The following TRPM3 variants were observed in gnomAD, a reference collection of about 807,000 sequenced individuals.
TRPM3 encodes the protein long transient receptor potential channel 3.
TRPM3 carries 77 observed loss-of-function variants against 181.2 expected under a neutral mutation model. The ratio of observed to expected loss-of-function variants is 0.42; its 90% CI spans 0.35 to 0.51. The LOEUF (loss-of-function observed/expected upper bound fraction) is 0.51. Ranked by LOEUF, TRPM3 falls within the 20% of genes least tolerant of loss-of-function variation. The pLI, the probability that TRPM3 is intolerant of heterozygous loss-of-function variation, is 0.01. For missense variants in TRPM3, 1,759 were observed against 2,196.7 expected, an observed-to-expected ratio of 0.80 and a Z score of 3.98; for synonymous variants, 745 against 796.4, an observed-to-expected ratio of 0.94 and a Z score of 1.09.
intron 1 of TRPM3, among the ~76,000 whole-genome samples, chr9:71,423,247 T>C (rs1563915917): frequency 6.6e-6 from 1 of 152,098 alleles, no homozygotes. Context: ...GAAAACATTA[T>C]AAGAAATAGG....
intron 1 of TRPM3, among the ~76,000 whole-genome samples, chr9:71,362,598 A>G (rs1054332767): frequency 2.0e-5 from 3 of 152,216 alleles, no homozygotes; most frequent in African/African-American, 7.2e-5. Context: ...GTTGAAATTA[A>G]AGTTTTAAAT....
At chr9:71,114,595 T>G (rs941725999) in intron 1 of TRPM3, among the ~76,000 whole-genome samples, 4 of 152,222 alleles carry the variant, frequency 2.6e-5, no homozygotes, top group African/African-American at 9.6e-5. Context: ...TTGGTTAGTT[T>G]TTGAAGGTTG....
At chr9:70,929,918 G>A (rs1349233375) in intron 1 of TRPM3, among the ~76,000 whole-genome samples, 1 of 152,168 alleles carries the variant, frequency 6.6e-6, no homozygotes, top group Non-Finnish European at 1.5e-5. Context: ...CGAAACTGGG[G>A]AATCTTATGT....
intron 6 of TRPM3, among the ~76,000 whole-genome samples, chr9:70,818,950 G>A (rs1356969408): frequency 1.3e-5 from 2 of 152,182 alleles, no homozygotes; most frequent in Non-Finnish European, 2.9e-5. Flanking sequence ...TCACAGGTTT[G>A]TTAAATACAT....
At chr9:70,768,645 G>C (rs2079597853) in intron 7 of TRPM3, among the ~76,000 whole-genome samples, 1 of 151,918 alleles carries the variant, frequency 6.6e-6, no homozygotes. Flanking sequence ...ATTGGGCCAG[G>C]TGTGGTGGCT....
intron 1 of TRPM3, among the ~76,000 whole-genome samples, chr9:71,096,264 TTCAA>T (rs2067179276): frequency 6.7e-6 from 1 of 149,364 alleles, no homozygotes; most frequent in Non-Finnish European, 1.5e-5. Context: ...TCCCTCTTAT[TTCAA>T]TCAATTTTGA....
chr9:70,944,026 C>T (rs867442168), intron 1 of TRPM3, among the ~76,000 whole-genome samples: 11 of 152,282 alleles, frequency 7.2e-5, no homozygotes, highest in Middle Eastern at 6.8e-3. Context: ...GTGGTCCGCC[C>T]CCCACCTTGG....
At chr9:71,034,755 T>TA (rs1316406081) in intron 1 of TRPM3, among the ~76,000 whole-genome samples, 109 of 147,056 alleles carry the variant, frequency 7.4e-4, no homozygotes, top group Admixed American at 2.7e-3. Flanking sequence ...TCTTTACTAT[T>TA]TTTTTTTTTT....
intron 1 of TRPM3, among the ~76,000 whole-genome samples, chr9:70,969,624 T>A (rs1259643344): frequency 6.6e-6 from 1 of 151,390 alleles, no homozygotes; most frequent in Non-Finnish European, 1.5e-5. Context: ...ATTCTGCAGA[T>A]AGAATATTGT....
chr9:71,229,435 A>T (rs1441992710), intron 1 of TRPM3, among the ~76,000 whole-genome samples: 1 of 152,152 alleles, frequency 6.6e-6, no homozygotes, highest in Non-Finnish European at 1.5e-5. Context: ...ATACCCCACA[A>T]GCACAGGGAA....
rs144665238 is a variant in TRPM3, at chr9:71,073,366, C to T, written c.177+47812G>A. 3.3e-5 allele frequency among the ~76,000 whole-genome samples: 5 copies of T among 152,248 alleles called. No individual in the cohort carries two copies. In the East Asian group the frequency reaches 7.7e-4, roughly 24 times the overall value. ...GCCAAAAGGAAAGTAGGACATGTGA[C>T]GGTTCAAACTACATAGTAAAAGGAA... On this transcript the variant is annotated intron_variant, in intron 1 of 25. Transcript: ENST00000677713.
At chr9:70,911,607 A>T (rs1156687267) in intron 1 of TRPM3, among the ~76,000 whole-genome samples, 3 of 152,188 alleles carry the variant, frequency 2.0e-5, no homozygotes, top group African/African-American at 7.2e-5. Flanking sequence ...ATTCTTTATC[A>T]ATGAACATCA....
At chr9:70,626,794 G>C (rs2064712658) in intron 12 of TRPM3, among the ~76,000 whole-genome samples, 1 of 152,106 alleles carries the variant, frequency 6.6e-6, no homozygotes, top group African/African-American at 2.4e-5. Context: ...CTGAGGGTAG[G>C]TTTTCAGTTG....
intron 1 of TRPM3, among the ~76,000 whole-genome samples, chr9:70,865,881 C>A (rs1037398424): frequency 1.3e-5 from 2 of 152,006 alleles, no homozygotes; most frequent in African/African-American, 4.8e-5. Flanking sequence ...GAAAAGAGCA[C>A]CCACCGTGCC....
At chr9:71,209,603 C>A (rs1156426946) in intron 1 of TRPM3, among the ~76,000 whole-genome samples, 2 of 152,128 alleles carry the variant, frequency 1.3e-5, no homozygotes, top group African/African-American at 4.8e-5. Context: ...GCAAAGAGCA[C>A]CTGCTGATAG....
chr9:70,587,809 C>T (rs2057392551), intron 22 of TRPM3, among the ~76,000 whole-genome samples: 2 of 152,152 alleles, frequency 1.3e-5, no homozygotes, highest in South Asian at 2.1e-4. Context: ...ATAGCAAACA[C>T]GTGAAGACAA....
intron 1 of TRPM3, among the ~76,000 whole-genome samples, chr9:70,996,126 T>A (rs2097539377): frequency 6.6e-6 from 1 of 152,184 alleles, no homozygotes. Flanking sequence ...TAATAAAAGG[T>A]CTTTCTTAAC....
intron 1 of TRPM3, among the ~76,000 whole-genome samples, chr9:71,272,193 T>C (rs989626884): frequency 7.2e-5 from 11 of 152,322 alleles, no homozygotes; most frequent in African/African-American, 2.2e-4. Context: ...TTTTTTCTTA[T>C]CTTTTTAAAA....
chr9:71,255,173 C>T (rs2082594212), intron 1 of TRPM3, among the ~76,000 whole-genome samples: 1 of 152,166 alleles, frequency 6.6e-6, no homozygotes, highest in African/African-American at 2.4e-5. Context: ...TTTCTGCATT[C>T]CCAGTGCCTC....
Sources: gnomAD v4.1 joint callset for allele counts (sites outside exome capture counted in the v4.1 genomes callset) on GRCh38, gnomAD v4.1.1 for gene constraint, MANE v1.5 for transcripts, NCBI Gene and HGNC (gene_info 2026-07-23, HGNC 2026-07-21) for gene names.